Variants in XIRP2 observed in about 807,000 individuals in gnomAD.
XIRP2 encodes the protein xin actin binding repeat containing 2.
A neutral mutation model predicts 277.0 loss-of-function variants in XIRP2; 236 were observed. The observed-to-expected ratio is 0.85, with a 90% confidence interval of 0.77 to 0.95. The LOEUF (loss-of-function observed/expected upper bound fraction) is 0.95. Among genes scored for constraint, XIRP2 ranks in the 40% least tolerant of loss-of-function variants. XIRP2 has a pLI of 0.00. For missense variants in XIRP2, 4,640 were observed against 4,157.5 expected (o/e 1.12, Z -3.19); for synonymous variants, 1,490 against 1,416.5 (o/e 1.05, Z -1.17).
chr2:167,095,666 A>G (rs1322831623), intron 2 of XIRP2, among the ~76,000 whole-genome samples: 1 of 152,060 alleles, frequency 6.6e-6, no homozygotes, highest in African/African-American at 2.4e-5. Flanking sequence ...GATGAAGCCA[A>G]CTTAATCATG....
intron 2 of XIRP2, among the ~76,000 whole-genome samples, chr2:167,079,312 T>C (rs13028989): frequency 3.9e-5 from 6 of 152,166 alleles, no homozygotes; most frequent in African/African-American, 1.4e-4. Flanking sequence ...ATTGTGTGTT[T>C]ACCATATTTT....
chr2:166,984,363 A>G (rs966822519), intron 2 of XIRP2, among the ~76,000 whole-genome samples: 3 of 152,196 alleles, frequency 2.0e-5, no homozygotes, highest in African/African-American at 4.8e-5. Context: ...AACTTCAATC[A>G]GTACTAGTTT....
At chr2:167,163,660 T>G (rs777366678) in intron 3 of XIRP2, among the ~76,000 whole-genome samples, 3 of 152,242 alleles carry the variant, frequency 2.0e-5, no homozygotes, top group Non-Finnish European at 2.9e-5. Flanking sequence ...TTGTTAATTT[T>G]TATCAAATCT....
At chr2:166,926,336 A>T (rs1238782575) in intron 2 of XIRP2, among the ~76,000 whole-genome samples, 1 of 152,056 alleles carries the variant, frequency 6.6e-6, no homozygotes, top group African/African-American at 2.4e-5. Context: ...TGACCAAAAC[A>T]ATATTCTGTA....
intron 2 of XIRP2, among the ~76,000 whole-genome samples, chr2:167,013,718 G>A (rs1033777850): frequency 1.6e-4 from 24 of 151,490 alleles, no homozygotes; most frequent in Non-Finnish European, 3.3e-4. Context: ...ATTTATTTGG[G>A]CAATGGATCA....
intron 3 of XIRP2, among the ~76,000 whole-genome samples, chr2:167,186,446 A>C (rs1049667367): frequency 6.6e-6 from 1 of 152,198 alleles, no homozygotes; most frequent in Non-Finnish European, 1.5e-5. Context: ...GCCAAAGGGC[A>C]ATTTCCTTTC....
chr2:167,160,534 CG>C (rs1692333029), intron 3 of XIRP2, among the ~76,000 whole-genome samples: 1 of 152,154 alleles, frequency 6.6e-6, no homozygotes, highest in Non-Finnish European at 1.5e-5. Context: ...ACATCTCACA[CG>C]GCAACAGACA....
Position 167,244,970 on chromosome 2 carries a change from A to G in XIRP2, c.3578A>G (p.Gln1193Arg), listed in dbSNP as rs1383838249. ...KEIKPVEMDIQAGDVSSMRYK... is the reference protein window; with the variant it reads ...KEIKPVEMDIRAGDVSSMRYK... The stretch of plus-strand genomic sequence containing the variant: ...ATCAAGCCTGTTGAAATGGATATAC[A>G]AGCTGGAGATGTTTCCAGCATGAGG... Residue 1193 changes from glutamine to arginine, a missense_variant, in exon 9 of 11, where the codon CAA becomes CGA. Physicochemically the swap from Gln to Arg is conservative, Grantham distance 43 (BLOSUM62 1). Coordinates refer to ENST00000409195, the MANE Select transcript of XIRP2 (RefSeq NM_152381.6). 7 of 1,613,112 alleles carry G rather than the reference A, an allele frequency of 4.3e-6. No homozygotes were observed. Among genetic ancestry groups the G allele is most frequent in the South Asian group, 1.1e-5 (1 of 90,930 alleles).
intron 2 of XIRP2, among the ~76,000 whole-genome samples, chr2:166,945,859 T>G (rs546259735): frequency 6.6e-4 from 100 of 151,986 alleles, no homozygotes; most frequent in Admixed American, 4.6e-4. Flanking sequence ...TTGTTTGTTT[T>G]TTTGGTAGAG....
chr2:166,959,037 A>C (rs1686238254), intron 2 of XIRP2, among the ~76,000 whole-genome samples: 1 of 151,506 alleles, frequency 6.6e-6, no homozygotes. Flanking sequence ...TGTTTCTCTC[A>C]ACGGCTTAAA....
chr2:167,065,228 T>C (rs1372154361), intron 2 of XIRP2, among the ~76,000 whole-genome samples: 1 of 151,914 alleles, frequency 6.6e-6, no homozygotes, highest in Non-Finnish European at 1.5e-5. Context: ...AATTGTGTTT[T>C]TAAATTTTTA....
chr2:167,155,614 T>C (rs1692171647), intron 3 of XIRP2, among the ~76,000 whole-genome samples: 1 of 152,024 alleles, frequency 6.6e-6, no homozygotes, highest in Admixed American at 6.6e-5. Context: ...ATAAGAGCTA[T>C]CTATGACAAA....
intron 2 of XIRP2, among the ~76,000 whole-genome samples, chr2:166,987,367 T>A (rs1346312101): frequency 6.6e-6 from 1 of 152,162 alleles, no homozygotes; most frequent in Non-Finnish European, 1.5e-5. Context: ...AACAGGATAA[T>A]CGTCTATCCT....
At chr2:167,134,814 C>T (rs568445204) in intron 2 of XIRP2, among the ~76,000 whole-genome samples, 4 of 152,194 alleles carry the variant, frequency 2.6e-5, no homozygotes, top group Non-Finnish European at 1.5e-5. Context: ...TGACCACAAG[C>T]ACTGCAATAC....
intron 2 of XIRP2, among the ~76,000 whole-genome samples, chr2:167,017,605 G>T: frequency 6.6e-6 from 1 of 151,998 alleles, no homozygotes; most frequent in East Asian, 1.9e-4. Context: ...GAGTAGGAAA[G>T]GCACAAAGGA....
At chr2:167,151,740 G>T (rs960909651) in intron 3 of XIRP2, among the ~76,000 whole-genome samples, 3 of 152,072 alleles carry the variant, frequency 2.0e-5, no homozygotes, top group Non-Finnish European at 4.4e-5. Flanking sequence ...CCCATATAGG[G>T]CTTACTTTCT....
chr2:167,245,200 G>A lies in XIRP2; in HGVS notation c.3808G>A (p.Gly1270Arg). The change falls in exon 9 of 11, where the codon GGG (glycine) becomes AGG (arginine). Residue 1270 changes from glycine (G) to arginine (R), a missense_variant. Coordinates refer to ENST00000409195, the MANE Select transcript of XIRP2 (RefSeq NM_152381.6). Reference protein sequence around the residue: ...CVKTVTDIQGGDVRKGCFIFE... With the variant: ...CVKTVTDIQGRDVRKGCFIFE... Reference sequence around the variant, plus strand: ...TAAGACGGTGACAGACATACAAGGTGGGGATGTAAGAAAGGGGTGCTTTAT... The same window carrying A: ...TAAGACGGTGACAGACATACAAGGTAGGGATGTAAGAAAGGGGTGCTTTAT... 2 of 1,613,702 alleles carry A rather than the reference G, an allele frequency of 1.2e-6. No individual in the cohort carries two copies. The highest frequency in any genetic ancestry group is 1.7e-6 in the Non-Finnish European group (2 of 1,179,748).
At chr2:167,212,413 T>C (rs577654284) in intron 4 of XIRP2, among the ~76,000 whole-genome samples, 1 of 152,296 alleles carries the variant, frequency 6.6e-6, no homozygotes, top group African/African-American at 2.4e-5. Context: ...ATTAAAAAAG[T>C]GGTATCAAGG....
chr2:167,006,800 T>G (rs534834278), intron 2 of XIRP2, among the ~76,000 whole-genome samples: 1 of 151,884 alleles, frequency 6.6e-6, no homozygotes, highest in South Asian at 2.1e-4. Context: ...ATATTTTTTC[T>G]TCTTTGAGTA....
Sources: gnomAD v4.1 joint callset for allele counts (sites outside exome capture counted in the v4.1 genomes callset) on GRCh38, gnomAD v4.1.1 for gene constraint, MANE v1.5 for transcripts, NCBI Gene and HGNC (gene_info 2026-07-23, HGNC 2026-07-21) for gene names.